The following SYT14 variants were observed in gnomAD, a reference collection of about 807,000 sequenced individuals.
The protein encoded by SYT14 is synaptotagmin 14.
A neutral mutation model predicts 74.2 loss-of-function variants in SYT14; 32 were observed. The observed-to-expected ratio is 0.43, with a 90% CI of 0.33 to 0.58. The LOEUF is 0.58. SYT14 is among the 20% of genes least tolerant of loss of function. The pLI, the probability that SYT14 is intolerant of heterozygous loss-of-function variation, is 0.05. For missense variants in SYT14, 791 were observed against 981.8 expected (o/e 0.81, Z 2.60); for synonymous variants, 298 against 337.7 (o/e 0.88, Z 1.29).
intron 9 of SYT14, 22 bp from the exon 9 acceptor site, chr1:210,160,707 A>G: frequency 1.2e-6 from 2 of 1,603,542 alleles, no homozygotes; most frequent in Non-Finnish European, 1.7e-6. Flanking sequence ...TATTTGTGAT[A>G]CGTTGTCTTT....
chr1:210,026,130 T>G (rs1015749057), intron 5 of SYT14, among the ~76,000 whole-genome samples: 4 of 152,186 alleles, frequency 2.6e-5, no homozygotes, highest in Admixed American at 2.0e-4. Context: ...ATGATATCTG[T>G]AAGAAATTTT....
At chr1:210,031,559 T>C (rs567681435) in intron 5 of SYT14, among the ~76,000 whole-genome samples, 124 of 152,302 alleles carry the variant, frequency 8.1e-4, no homozygotes, top group Non-Finnish European at 1.7e-3. Context: ...TGGAAAGTTA[T>C]TAATAATTGA....
chr1:209,970,506 A>G (rs1397880295), intron 2 of SYT14, among the ~76,000 whole-genome samples: 1 of 151,916 alleles, frequency 6.6e-6, no homozygotes, highest in Non-Finnish European at 1.5e-5. Flanking sequence ...TGATGCATCC[A>G]GCTTTATTCT....
chr1:210,168,412 T>C (rs899409035), exon 10 of SYT14: 8 of 152,216 alleles, frequency 5.3e-5, no homozygotes, highest in African/African-American at 1.9e-4. Context: ...ACATTTGAGT[T>C]TGTCTTTTAA....
chr1:210,088,934 G>C (rs1021945053), intron 5 of SYT14, among the ~76,000 whole-genome samples: 1 of 151,708 alleles, frequency 6.6e-6, no homozygotes, highest in African/African-American at 2.4e-5. Flanking sequence ...GAACATGCAG[G>C]TTTGTTACAT....
intron 2 of SYT14, among the ~76,000 whole-genome samples, chr1:209,962,670 A>G (rs548630868): frequency 9.9e-5 from 15 of 152,244 alleles, no homozygotes; most frequent in African/African-American, 3.6e-4. Flanking sequence ...CCATAAATTA[A>G]CATATACGCT....
At chr1:209,994,387 A>T (rs1374267649) in intron 2 of SYT14, among the ~76,000 whole-genome samples, 1 of 152,232 alleles carries the variant, frequency 6.6e-6, no homozygotes, top group African/African-American at 2.4e-5. Flanking sequence ...AACTGAGGAA[A>T]GAATCTTAGA....
At chr1:210,073,863 T>C (rs2081439889) in intron 5 of SYT14, among the ~76,000 whole-genome samples, 1 of 152,146 alleles carries the variant, frequency 6.6e-6, no homozygotes, top group African/African-American at 2.4e-5. Context: ...TGGTATGTGT[T>C]ATAGTATCAA....
intron 2 of SYT14, among the ~76,000 whole-genome samples, chr1:209,969,853 G>A (rs1218925107): frequency 2.6e-5 from 4 of 152,074 alleles, no homozygotes; most frequent in Non-Finnish European, 5.9e-5. Flanking sequence ...TTGGCTGCTT[G>A]TATGTCTTCT....
intron 2 of SYT14, among the ~76,000 whole-genome samples, chr1:209,989,862 G>A (rs1165752161): frequency 6.6e-6 from 1 of 151,824 alleles, no homozygotes; most frequent in Admixed American, 6.6e-5. Flanking sequence ...GATGTCCAAG[G>A]CGTCGTTTTT....
At chr1:210,140,031 G>T (rs1293109011) in intron 7 of SYT14, among the ~76,000 whole-genome samples, 1 of 152,108 alleles carries the variant, frequency 6.6e-6, no homozygotes, top group African/African-American at 2.4e-5. Flanking sequence ...TCTGGGAACT[G>T]CCAAACAGTT....
At chr1:210,169,087 C>G (rs534745040) in exon 10 of SYT14, 1 of 152,054 alleles carries the variant, frequency 6.6e-6, no homozygotes, top group Admixed American at 6.6e-5. Context: ...TTACAGGAAG[C>G]CTTCTTTTAA....
intron 5 of SYT14, among the ~76,000 whole-genome samples, chr1:210,045,473 T>A (rs574636624): frequency 6.6e-6 from 1 of 152,206 alleles, no homozygotes; most frequent in Non-Finnish European, 1.5e-5. Flanking sequence ...GTTTTTGCGT[T>A]CAGATAAAAT....
intron 7 of SYT14, among the ~76,000 whole-genome samples, chr1:210,138,526 CT>C (rs1202640997): frequency 6.6e-6 from 1 of 152,042 alleles, no homozygotes; most frequent in Non-Finnish European, 1.5e-5. Flanking sequence ...ATTTGAAATT[CT>C]TGTAATTGTG....
At chr1:210,027,490 C>T (rs548653988) in intron 5 of SYT14, among the ~76,000 whole-genome samples, 10 of 151,610 alleles carry the variant, frequency 6.6e-5, no homozygotes, top group African/African-American at 2.2e-4. Context: ...TCAAAAAGGT[C>T]TTCATTCTTG....
chr1:210,124,865 T>G (rs865950714), intron 7 of SYT14, among the ~76,000 whole-genome samples: 3 of 152,036 alleles, frequency 2.0e-5, no homozygotes, highest in Admixed American at 1.3e-4. Flanking sequence ...TAGTTTTTTT[T>G]GTGTGGTTTT....
At chr1:210,126,059 T>C (rs966568298) in intron 7 of SYT14, among the ~76,000 whole-genome samples, 1 of 151,996 alleles carries the variant, frequency 6.6e-6, no homozygotes, top group Non-Finnish European at 1.5e-5. Context: ...AAAAATTCAC[T>C]GTGTGTGGTG....
chr1:210,139,468 A>G (rs2082871184), intron 7 of SYT14, among the ~76,000 whole-genome samples: 1 of 151,946 alleles, frequency 6.6e-6, no homozygotes, highest in African/African-American at 2.4e-5. Context: ...TGAAATAGGG[A>G]TCCTGTAAGT....
chr1:210,115,121 C>T (rs1005264262), intron 7 of SYT14, among the ~76,000 whole-genome samples: 21 of 150,948 alleles, frequency 1.4e-4, no homozygotes, highest in Admixed American at 6.6e-4. Context: ...ATGGAAAAAT[C>T]GAAAGTGCCA....
Sources: allele counts gnomAD v4.1 joint callset (sites outside exome capture counted in the v4.1 genomes callset), GRCh38; gene constraint gnomAD v4.1.1; transcripts MANE v1.5; gene names NCBI Gene and HGNC (gene_info 2026-07-23, HGNC 2026-07-21).